Variants in MAN1A1 observed in about 807,000 individuals in gnomAD.
MAN1A1 encodes mannosidase alpha class 1A member 1, also known as mannosyl-oligosaccharide 1,2-alpha-mannosidase IA.
Under a neutral mutation model 70.8 loss-of-function variants are expected in MAN1A1, and 29 were observed. The ratio of observed to expected loss-of-function variants is 0.41; its 90% confidence interval spans 0.31 to 0.56. The LOEUF is 0.56. Among genes scored for constraint, MAN1A1 ranks in the 20% least tolerant of loss-of-function variants. The pLI is 0.29. For synonymous variants in MAN1A1, 349 were observed against 330.1 expected, an observed-to-expected ratio of 1.06 and a Z score of -0.62; for missense variants, 747 against 841.3, an observed-to-expected ratio of 0.89 and a Z score of 1.39.
At chr6:119,202,515 TAG>T (rs1773741346) in intron 7 of MAN1A1, among the ~76,000 whole-genome samples, 1 of 152,220 alleles carries the variant, frequency 6.6e-6, no homozygotes, top group Non-Finnish European at 1.5e-5. Flanking sequence ...AAAACCATAG[TAG>T]TACATAAATC....
At chr6:119,280,001 T>C (rs1456102165) in intron 5 of MAN1A1, among the ~76,000 whole-genome samples, 1 of 152,212 alleles carries the variant, frequency 6.6e-6, no homozygotes, top group Non-Finnish European at 1.5e-5. Context: ...AAAATAGTAT[T>C]TTCTCTTGGA....
chr6:119,198,969 T>C (rs1405905380), intron 8 of MAN1A1, among the ~76,000 whole-genome samples: 1 of 152,236 alleles, frequency 6.6e-6, no homozygotes, highest in African/African-American at 2.4e-5. Flanking sequence ...AATTTTCGTA[T>C]TGTTACATTA....
chr6:119,251,323 C>G (rs1487026304), intron 5 of MAN1A1, among the ~76,000 whole-genome samples: 2 of 152,178 alleles, frequency 1.3e-5, no homozygotes, highest in African/African-American at 4.8e-5. Context: ...GAATCAGACC[C>G]TTCAATTATT....
chr6:119,214,538 T>C (rs1036730647), intron 6 of MAN1A1, among the ~76,000 whole-genome samples: 5 of 152,300 alleles, frequency 3.3e-5, no homozygotes, highest in African/African-American at 1.2e-4. Flanking sequence ...TTGTGTTTTT[T>C]AGACAGGGTC....
In MAN1A1 at chr6:119,180,442, A is replaced by T; in HGVS notation, c.1720-15T>A. 7.4e-7 allele frequency: 1 copy of T among 1,359,092 alleles called. No homozygotes were observed. Among genetic ancestry groups the T allele is most frequent in the Non-Finnish European group, 1.0e-6 (1 of 964,260 alleles). 84.2% of individuals were successfully genotyped at this position (1,359,092 alleles called of 1,614,324 possible). On this transcript the variant is annotated splice_polypyrimidine_tract_variant and intron_variant, in intron 11 of 12. Coordinates refer to ENST00000368468, the MANE Select transcript of MAN1A1 (RefSeq NM_005907.4). Reference sequence around the variant, plus strand: ...TTTTCCAAGGCCTAAATTATAGAGGAGGAAAAAAAAAAGTCACATTTCAGT... The same window carrying T: ...TTTTCCAAGGCCTAAATTATAGAGGTGGAAAAAAAAAAGTCACATTTCAGT...
intron 6 of MAN1A1, among the ~76,000 whole-genome samples, chr6:119,226,662 G>T (rs1256905740): frequency 3.9e-5 from 6 of 152,066 alleles, no homozygotes; most frequent in African/African-American, 7.2e-5. Flanking sequence ...ATAAAGACCT[G>T]GATATGAACT....
chr6:119,283,819 C>T (rs754232524), intron 5 of MAN1A1, among the ~76,000 whole-genome samples: 4 of 152,106 alleles, frequency 2.6e-5, no homozygotes, highest in Non-Finnish European at 4.4e-5. Context: ...CAAATCAAAA[C>T]GACTCAACTT....
intron 2 of MAN1A1, among the ~76,000 whole-genome samples, chr6:119,323,527 GAAC>G (rs1262255121): frequency 1.3e-5 from 2 of 151,974 alleles, no homozygotes; most frequent in Admixed American, 1.3e-4. Flanking sequence ...TCTTAATGAT[GAAC>G]AACTGCAGGT....
intron 5 of MAN1A1, among the ~76,000 whole-genome samples, chr6:119,265,609 GAATC>G (rs1297865927): frequency 3.9e-5 from 6 of 151,986 alleles, no homozygotes; most frequent in African/African-American, 1.4e-4. Flanking sequence ...TGATTAATTA[GAATC>G]CAGAAGGCAG....
intron 6 of MAN1A1, among the ~76,000 whole-genome samples, chr6:119,241,406 T>C (rs1462533747): frequency 6.6e-6 from 1 of 152,206 alleles, no homozygotes; most frequent in Non-Finnish European, 1.5e-5. Flanking sequence ...AGTCATTTCT[T>C]ATTACAGTGG....
At chr6:119,245,957 G>C (rs1775157549) in intron 6 of MAN1A1, among the ~76,000 whole-genome samples, 1 of 152,078 alleles carries the variant, frequency 6.6e-6, no homozygotes, top group Admixed American at 6.6e-5. Context: ...AAAGATACTA[G>C]AGGATTTAGT....
chr6:119,330,219 C>T lies in MAN1A1; in HGVS notation c.603+18244G>A, dbSNP rs79094259. Among the ~76,000 whole-genome samples, 890 of 152,232 alleles carry T rather than the reference C, an allele frequency of 5.8e-3. 30 individuals are homozygous for T. The East Asian group carries it at 0.089, about 15-fold the overall frequency. ...TTCTCTTTGCAGTGCTTGTTGTATACATCCAACTGCTCACAAGAGACCTCC... is the reference window on the plus strand; with the variant it reads ...TTCTCTTTGCAGTGCTTGTTGTATATATCCAACTGCTCACAAGAGACCTCC... On this transcript the variant is annotated intron_variant, in intron 2 of 12. Coordinates refer to ENST00000368468, the MANE Select transcript of MAN1A1 (RefSeq NM_005907.4).
In MAN1A1 at chr6:119,227,802, T is replaced by C. The variant is rs544455551; in HGVS notation, c.992+20458A>G. ...AAAAATGAGAATTGAGTGATGCATA[T>C]GTTAACATCGGATTGAAATTTCGAG... On this transcript the variant is annotated intron_variant, in intron 6 of 12. Coordinates refer to ENST00000368468, the MANE Select transcript of MAN1A1 (RefSeq NM_005907.4). 9.2e-5 allele frequency among the ~76,000 whole-genome samples: 14 copies of C among 152,322 alleles called. No homozygotes were observed. The East Asian group carries it at 2.7e-3, about 29-fold the overall frequency.
intron 6 of MAN1A1, among the ~76,000 whole-genome samples, chr6:119,241,072 A>G (rs1774990301): frequency 6.6e-6 from 1 of 152,204 alleles, no homozygotes; most frequent in African/African-American, 2.4e-5. Flanking sequence ...ACAGTAACCC[A>G]GAAGTTTCTA....
intron 11 of MAN1A1, among the ~76,000 whole-genome samples, chr6:119,183,941 A>G (rs887133456): frequency 2.0e-5 from 3 of 152,058 alleles, no homozygotes; most frequent in Non-Finnish European, 4.4e-5. Context: ...AGACAATAAC[A>G]AGGGCTTCAG....
chr6:119,256,619 C>T (rs939699512), intron 5 of MAN1A1, among the ~76,000 whole-genome samples: 11 of 151,952 alleles, frequency 7.2e-5, no homozygotes, highest in Non-Finnish European at 1.3e-4. Flanking sequence ...TGAGCATCAG[C>T]GTGGTCAAGG....
chr6:119,200,900 C>T (rs1773696128), intron 8 of MAN1A1, among the ~76,000 whole-genome samples: 3 of 152,192 alleles, frequency 2.0e-5, no homozygotes, highest in Non-Finnish European at 4.4e-5. Flanking sequence ...GGTCTACCTA[C>T]TCTCTATAAA....
chr6:119,180,012 A>C, intron 12 of MAN1A1, 67 bp from the exon 13 acceptor site: 1 of 1,498,682 alleles, frequency 6.7e-7, no homozygotes, highest in Non-Finnish European at 9.2e-7. Flanking sequence ...ACAAACACAC[A>C]GCAAAAACCA....
rs3798637 is a variant in MAN1A1 at position 119,315,325 on chromosome 6, G to A, written c.604-8333C>T. ...ATTAATTCCCCAGTGAAATGAAAGC[G>A]TGGTTAGCAATAGCAATTTCTTTAG... On this transcript the variant is annotated intron_variant, in intron 2 of 12. Coordinates refer to ENST00000368468, the MANE Select transcript of MAN1A1 (RefSeq NM_005907.4). Among the ~76,000 whole-genome samples the A allele has an allele frequency of 5.9e-3, 899 of 152,254 alleles. 30 individuals carry two copies. In the East Asian group the frequency reaches 0.09, roughly 15 times the overall value.
Sources: allele counts gnomAD v4.1 joint callset (sites outside exome capture counted in the v4.1 genomes callset), GRCh38; gene constraint gnomAD v4.1.1; transcripts MANE v1.5; gene names NCBI Gene and HGNC (gene_info 2026-07-23, HGNC 2026-07-21).